The following CHST8 variants were observed in gnomAD, a reference collection of about 807,000 sequenced individuals.
The protein encoded by CHST8 is GALNAC-4-ST1.
Under a neutral mutation model 15.0 loss-of-function variants are expected in CHST8, and 10 were observed. The ratio of observed to expected loss-of-function variants is 0.67; its 90% CI spans 0.41 to 1.13. CHST8 has a LOEUF of 1.13. Ranked by LOEUF, CHST8 falls within the 50% of genes most tolerant of loss-of-function variation. The probability of loss-of-function intolerance (pLI) is 0.00; values close to 1 mark genes in which losing one functional copy is unlikely to be tolerated. For synonymous variants in CHST8, 259 were observed against 256.6 expected (o/e 1.01, Z -0.09); for missense variants, 634 against 608.2 (o/e 1.04, Z -0.45).
At chr19:33,666,033 T>G (rs1972655321) in intron 1 of CHST8, among the ~76,000 whole-genome samples, 1 of 152,176 alleles carries the variant, frequency 6.6e-6, no homozygotes, top group African/African-American at 2.4e-5. Context: ...CCACACAGCT[T>G]TCTCGTGGAT....
intron 1 of CHST8, among the ~76,000 whole-genome samples, chr19:33,640,343 G>A (rs1252959951): frequency 1.3e-5 from 2 of 152,098 alleles, no homozygotes; most frequent in Non-Finnish European, 2.9e-5. Context: ...CAACCCTGTG[G>A]GGACAGTTTC....
chr19:33,729,033 C>T (rs1383771263), intron 3 of CHST8, among the ~76,000 whole-genome samples: 1 of 152,208 alleles, frequency 6.6e-6, no homozygotes, highest in African/African-American at 2.4e-5. Flanking sequence ...GCACAGGGAG[C>T]TGCTCTGCTG....
At chr19:33,648,701 C>T (rs958439928) in intron 1 of CHST8, among the ~76,000 whole-genome samples, 1 of 152,136 alleles carries the variant, frequency 6.6e-6, no homozygotes. Flanking sequence ...CAATTCCACT[C>T]CTGGGTGTAT....
chr19:33,739,196 C>T (rs1974140674), intron 3 of CHST8, among the ~76,000 whole-genome samples: 1 of 152,132 alleles, frequency 6.6e-6, no homozygotes, highest in Non-Finnish European at 1.5e-5. Flanking sequence ...TAATTTCAGC[C>T]AGGATGGAAT....
At chr19:33,686,605 C>T (rs1253424707) in intron 2 of CHST8, among the ~76,000 whole-genome samples, 1 of 152,164 alleles carries the variant, frequency 6.6e-6, no homozygotes, top group African/African-American at 2.4e-5. Context: ...GCTGTTTTAC[C>T]AGGCAGTTCT....
intron 3 of CHST8, among the ~76,000 whole-genome samples, chr19:33,725,105 TGCACAGAGTGTGAG>T (rs1171088988): frequency 6.6e-6 from 1 of 152,050 alleles, no homozygotes; most frequent in East Asian, 1.9e-4. Context: ...TGAGTGTGCG[TGCACAGAGTGTGAG>T]GGTGTCTCCA....
chr19:33,765,513 T>TTGTGTGTGTGTGTGTGTG (rs61673440), intron 3 of CHST8, among the ~76,000 whole-genome samples: 5 of 131,606 alleles, frequency 3.8e-5, no homozygotes, highest in Non-Finnish European at 4.8e-5. Flanking sequence ...ATGCCAGTCT[T>TTGTGTGTGTGTGTGTGTG]TGTGTGTGTG....
At chr19:33,711,293 A>G (rs1973543972) in intron 3 of CHST8, among the ~76,000 whole-genome samples, 1 of 152,188 alleles carries the variant, frequency 6.6e-6, no homozygotes, top group Non-Finnish European at 1.5e-5. Flanking sequence ...TGGGGTCTTG[A>G]TATCTACACA....
At chr19:33,676,551 CAG>C (rs1357348036) in intron 2 of CHST8, among the ~76,000 whole-genome samples, 1 of 151,786 alleles carries the variant, frequency 6.6e-6, no homozygotes, top group Non-Finnish European at 1.5e-5. Flanking sequence ...GCCTGGGCAA[CAG>C]AGAGAGACTC....
In CHST8 at chr19:33,752,177, G is replaced by A. The variant is rs544492561; in HGVS notation, c.131-19236G>A. 4.6e-5 allele frequency among the ~76,000 whole-genome samples: 7 copies of A among 152,296 alleles called. 1 individual carries two copies. In the South Asian group the frequency reaches 1.5e-3, roughly 32 times the overall value. On this transcript the variant is annotated intron_variant, in intron 3 of 4. Transcript: ENST00000650847. ...CCCGGGAGCCCTGGGATGAAGTAGGGGCTGCCCATGCCAACCGCAGTTCCC... is the reference window on the plus strand; with the variant it reads ...CCCGGGAGCCCTGGGATGAAGTAGGAGCTGCCCATGCCAACCGCAGTTCCC...
intron 1 of CHST8, among the ~76,000 whole-genome samples, chr19:33,650,570 C>T (rs35486662): frequency 0.098 from 9,991 of 102,188 alleles, 660 homozygotes; most frequent in Middle Eastern, 0.32. Flanking sequence ...CTCACTCTGT[C>T]GTCCAGGCTG....
rs561006679 is a variant in CHST8 at position 33,686,441 on chromosome 19, G to A, written c.-86-2735G>A. ...TGACAGTGGATGTCGGTACTGGCTC[G>A]AATGGAGACAGACTGGGGAGAAGAG... On this transcript the variant is annotated intron_variant, in intron 2 of 4. Coordinates refer to ENST00000650847, the MANE Select transcript of CHST8 (RefSeq NM_001127895.2). 3.9e-5 allele frequency among the ~76,000 whole-genome samples: 6 copies of A among 152,230 alleles called. No homozygotes were observed. In the South Asian group the frequency reaches 8.3e-4, roughly 21 times the overall value.
chr19:33,748,188 C>T (rs1036006468), intron 3 of CHST8, among the ~76,000 whole-genome samples: 2 of 152,224 alleles, frequency 1.3e-5, no homozygotes, highest in Non-Finnish European at 2.9e-5. Flanking sequence ...TGTAGCTATG[C>T]CCCAGGCACT....
chr19:33,733,863 A>G lies in CHST8; in HGVS notation c.131-37550A>G, dbSNP rs1373732970. Among the ~76,000 whole-genome samples the G allele has an allele frequency of 2.6e-5, 4 of 152,314 alleles. 1 individual carries two copies. The East Asian group carries it at 7.7e-4, about 29-fold the overall frequency. On this transcript the variant is annotated intron_variant, in intron 3 of 4. Coordinates refer to ENST00000650847, the MANE Select transcript of CHST8 (RefSeq NM_001127895.2). ...TCTAGGAGCACTTTCTCAACGGCCC[A>G]CACACCATCATAACTGCAGCCTGCT... is the stretch of plus-strand genomic sequence containing the variant.
intron 3 of CHST8, among the ~76,000 whole-genome samples, chr19:33,719,354 G>T (rs185741228): frequency 6.6e-6 from 1 of 152,238 alleles, no homozygotes; most frequent in East Asian, 1.9e-4. Context: ...TCCTCTCAAG[G>T]TCTCTCTGTC....
chr19:33,764,585 C>T lies in CHST8; in HGVS notation c.131-6828C>T, dbSNP rs553984628. Among the ~76,000 whole-genome samples, 9 of 152,298 alleles carry T rather than the reference C, an allele frequency of 5.9e-5. No homozygotes were observed. The South Asian group carries it at 1.2e-3, about 21-fold the overall frequency. On this transcript the variant is annotated intron_variant, in intron 3 of 4. Transcript: ENST00000650847. Reference sequence around the variant, plus strand: ...GTACTGGGTCAAATTGGGTGCCCGCCCCACCCTCAAAAAATGCTCAATCCC... The same window carrying T: ...GTACTGGGTCAAATTGGGTGCCCGCTCCACCCTCAAAAAATGCTCAATCCC...
At chr19:33,699,297 T>C (rs1271629121) in intron 3 of CHST8, among the ~76,000 whole-genome samples, 1 of 151,946 alleles carries the variant, frequency 6.6e-6, no homozygotes, top group Non-Finnish European at 1.5e-5. Flanking sequence ...TCACAATCTG[T>C]GGGGGTCAAG....
At chr19:33,740,570 G>C (rs1974166144) in intron 3 of CHST8, among the ~76,000 whole-genome samples, 1 of 152,184 alleles carries the variant, frequency 6.6e-6, no homozygotes, top group African/African-American at 2.4e-5. Context: ...AAGTCGGACT[G>C]TCATACCACT....
At chr19:33,622,329 C>G (rs962630621) in intron 1 of CHST8, 33 bp downstream of exon 1, 2 of 152,144 alleles carry the variant, frequency 1.3e-5, no homozygotes, top group African/African-American at 4.8e-5. Flanking sequence ...CACCCCTGTT[C>G]CCGCCCTGCG....
Sources: allele counts gnomAD v4.1 joint callset (sites outside exome capture counted in the v4.1 genomes callset), GRCh38; gene constraint gnomAD v4.1.1; transcripts MANE v1.5; gene names NCBI Gene and HGNC (gene_info 2026-07-23, HGNC 2026-07-21).